GYPC: variants seen among roughly 807,000 people sequenced by gnomAD.
GYPC encodes glycophorin C (Gerbich blood group).
GYPC carries 14 observed loss-of-function variants against 12.6 expected under a neutral mutation model. The ratio of observed to expected loss-of-function variants is 1.11; its 90% CI spans 0.74 to 1.74. GYPC has a LOEUF of 1.74. Among genes scored for constraint, GYPC ranks in the 40% most tolerant of loss-of-function variants. The pLI, the probability that GYPC is intolerant of heterozygous loss-of-function variation, is 0.00. For synonymous variants in GYPC, 78 were observed against 62.1 expected (o/e 1.26, Z -1.20); for missense variants, 225 against 172.1 (o/e 1.31, Z -1.72).
At chr2:126,677,198 T>C (rs1683014380) in intron 1 of GYPC, among the ~76,000 whole-genome samples, 1 of 152,024 alleles carries the variant, frequency 6.6e-6, no homozygotes, top group Non-Finnish European at 1.5e-5. Flanking sequence ...TGAGAGTGTG[T>C]GTGTGCATGT....
At chr2:126,691,499 G>A (rs138736329) in intron 2 of GYPC, among the ~76,000 whole-genome samples, 1 of 152,218 alleles carries the variant, frequency 6.6e-6, no homozygotes, top group East Asian at 1.9e-4. Flanking sequence ...GTCCTCAATC[G>A]CCAGGAGGGA....
chr2:126,689,459 G>T (rs181319111), intron 1 of GYPC, among the ~76,000 whole-genome samples: 136 of 152,046 alleles, frequency 8.9e-4, no homozygotes, highest in Admixed American at 2.8e-3. Context: ...CCCTGCAAAA[G>T]CTCATGTTGA....
chr2:126,660,681 G>A (rs990604472), intron 1 of GYPC, among the ~76,000 whole-genome samples: 1 of 152,140 alleles, frequency 6.6e-6, no homozygotes, highest in Admixed American at 6.5e-5. Flanking sequence ...GATGACCCAA[G>A]GCCCACGCTC....
intron 1 of GYPC, among the ~76,000 whole-genome samples, chr2:126,661,114 G>T (rs1324814063): frequency 6.6e-6 from 1 of 152,176 alleles, no homozygotes; most frequent in Non-Finnish European, 1.5e-5. Flanking sequence ...CCATGTGCAG[G>T]CAGAGCCAGG....
At chr2:126,677,648 C>A (rs929102758) in intron 1 of GYPC, among the ~76,000 whole-genome samples, 9 of 151,622 alleles carry the variant, frequency 5.9e-5, no homozygotes, top group Non-Finnish European at 8.8e-5. Flanking sequence ...CCGGGCAACA[C>A]CCCGAGAGCC....
At chr2:126,680,024 G>A (rs933885597) in intron 1 of GYPC, 1 of 152,128 alleles carries the variant, frequency 6.6e-6, no homozygotes, top group African/African-American at 2.4e-5. Context: ...TCTTTACGGT[G>A]TTTCCTCACT....
At chr2:126,660,622 A>G (rs994277655) in intron 1 of GYPC, among the ~76,000 whole-genome samples, 1 of 152,124 alleles carries the variant, frequency 6.6e-6, no homozygotes. Flanking sequence ...AGGGCCTGTC[A>G]CAGACAGGGG....
At chr2:126,681,744 A>G (rs1683153874) in intron 1 of GYPC, among the ~76,000 whole-genome samples, 2 of 149,880 alleles carry the variant, frequency 1.3e-5, no homozygotes, top group Non-Finnish European at 3.0e-5. Flanking sequence ...GCGCCATTGC[A>G]CTCCAGCCTG....
intron 1 of GYPC, among the ~76,000 whole-genome samples, chr2:126,671,845 C>T (rs964390748): frequency 8.5e-5 from 13 of 152,108 alleles, no homozygotes; most frequent in African/African-American, 2.4e-4. Context: ...CCAGTGAAGC[C>T]GGGAAGGGAG....
intron 1 of GYPC, among the ~76,000 whole-genome samples, chr2:126,676,630 G>A (rs1683000931): frequency 6.6e-6 from 1 of 152,126 alleles, no homozygotes; most frequent in South Asian, 2.1e-4. Flanking sequence ...ATTAATGTTG[G>A]GCAAATATAA....
intron 1 of GYPC, among the ~76,000 whole-genome samples, chr2:126,661,374 A>T (rs2104769030): frequency 6.6e-6 from 1 of 151,880 alleles, no homozygotes; most frequent in East Asian, 1.9e-4. Context: ...CCCCTCCTTC[A>T]GAACTCTCTA....
intron 1 of GYPC, among the ~76,000 whole-genome samples, chr2:126,687,629 C>A (rs965757115): frequency 2.0e-5 from 3 of 152,166 alleles, no homozygotes; most frequent in African/African-American, 7.2e-5. Flanking sequence ...GGGTGGGGGG[C>A]ATGGAGAGAG....
At chr2:126,682,787 C>T (rs1014363597) in intron 1 of GYPC, among the ~76,000 whole-genome samples, 4 of 152,194 alleles carry the variant, frequency 2.6e-5, no homozygotes, top group African/African-American at 9.7e-5. Flanking sequence ...TGAGCTTCTT[C>T]AGTTGCCTGC....
At chr2:126,690,750 C>A (rs1290830925) in intron 2 of GYPC, among the ~76,000 whole-genome samples, 1 of 152,096 alleles carries the variant, frequency 6.6e-6, no homozygotes, top group Non-Finnish European at 1.5e-5. Flanking sequence ...ACCCCCAACC[C>A]TCCATCCTCA....
chr2:126,662,581 A>G (rs1222141966), intron 1 of GYPC, among the ~76,000 whole-genome samples: 2 of 152,216 alleles, frequency 1.3e-5, no homozygotes, highest in Non-Finnish European at 2.9e-5. Flanking sequence ...GGACCTGCCC[A>G]GCAGGGTCCC....
intron 1 of GYPC, among the ~76,000 whole-genome samples, chr2:126,684,502 T>C (rs1683232815): frequency 6.6e-6 from 1 of 152,100 alleles, no homozygotes. Context: ...CACACTGGCA[T>C]TGCCCACCCA....
chr2:126,663,162 C>T (rs968881488), intron 1 of GYPC, among the ~76,000 whole-genome samples: 2 of 152,190 alleles, frequency 1.3e-5, no homozygotes, highest in African/African-American at 2.4e-5. Context: ...CTCAGCCTCC[C>T]GAGTTGCTGG....
intron 1 of GYPC, among the ~76,000 whole-genome samples, chr2:126,688,061 G>A (rs1048871090): frequency 1.3e-5 from 2 of 152,200 alleles, no homozygotes; most frequent in African/African-American, 4.8e-5. Context: ...TCTGGAAAAT[G>A]GGGCTAATAA....
At chr2:126,659,111 CCTCA>C (rs1299463342) in intron 1 of GYPC, among the ~76,000 whole-genome samples, 1 of 138,542 alleles carries the variant, frequency 7.2e-6, no homozygotes. Flanking sequence ...TTCCCTGCGT[CCTCA>C]CTCACACTGC....
Sources: gnomAD v4.1 joint callset for allele counts (sites outside exome capture counted in the v4.1 genomes callset) on GRCh38, gnomAD v4.1.1 for gene constraint, MANE v1.5 for transcripts, NCBI Gene and HGNC (gene_info 2026-07-23, HGNC 2026-07-21) for gene names.